The following TCF7L2 variants were observed in gnomAD, a reference collection of about 807,000 sequenced individuals.
The protein encoded by TCF7L2 is transcription factor 7 like 2.
Under a neutral mutation model 77.9 loss-of-function variants are expected in TCF7L2, and 23 were observed. The observed-to-expected ratio is 0.30, with a 90% confidence interval of 0.21 to 0.42. TCF7L2 has a LOEUF of 0.42. TCF7L2 is among the 10% of genes least tolerant of loss of function. The pLI is 1.00. For synonymous variants in TCF7L2, 413 were observed against 340.2 expected (o/e 1.21, Z -2.36); for missense variants, 654 against 793.1 (o/e 0.82, Z 2.11).
intron 3 of TCF7L2, among the ~76,000 whole-genome samples, chr10:112,963,869 T>C (rs2035893892): frequency 6.6e-6 from 1 of 152,176 alleles, no homozygotes; most frequent in South Asian, 2.1e-4. Flanking sequence ...ATCTAATAGG[T>C]GGTCCTCCCT....
At chr10:112,977,296 T>C (rs562117131) in intron 4 of TCF7L2, among the ~76,000 whole-genome samples, 18 of 152,232 alleles carry the variant, frequency 1.2e-4, no homozygotes, top group Non-Finnish European at 2.5e-4. Context: ...TTCTTCTCAC[T>C]AGGGCTTTGG....
chr10:112,952,780 C>G lies in TCF7L2; in HGVS notation c.381+1173C>G, dbSNP rs549247206. 1.8e-3 allele frequency among the ~76,000 whole-genome samples: 274 copies of G among 152,200 alleles called. 3 individuals are homozygous for G. The highest frequency in any genetic ancestry group is 6.3e-3 in the African/African-American group (262 of 41,546). ...GGGGGGCGCTTCCTGCAGGGTCGGT[C>G]CCGCGCCCAACCCTGACATTTGTTA... On this transcript the variant is annotated intron_variant, in intron 3 of 13. Coordinates refer to ENST00000627217, the MANE Select transcript of TCF7L2 (RefSeq NM_001146274.2).
intron 10 of TCF7L2, 52 bp from the exon 11 acceptor site, chr10:113,152,281 T>G: frequency 6.7e-7 from 1 of 1,484,378 alleles, no homozygotes; most frequent in Non-Finnish European, 9.4e-7. Flanking sequence ...TGTTCTTTCA[T>G]GCTTTTCTCT....
rs571349341 is a variant in TCF7L2 at position 113,127,962 on chromosome 10, A to G, written c.553-13222A>G. Among the ~76,000 whole-genome samples the G allele has an allele frequency of 5.0e-5, 7 of 140,570 alleles. No homozygotes were observed. The East Asian group carries it at 1.1e-3, about 21-fold the overall frequency. The allele number at this position is 140,570 out of a possible 152,430, so 92.2% of individuals were successfully genotyped here. A position where few individuals can be genotyped will look rare whatever the true frequency, so the allele number is the denominator to read the frequency against. On this transcript the variant is annotated intron_variant, in intron 5 of 13. Coordinates refer to ENST00000627217, the MANE Select transcript of TCF7L2 (RefSeq NM_001146274.2). Reference sequence around the variant, plus strand: ...TTGCCCATCCTGTTTGCCGCACTTTATAAGTTATTGTTGCTGAATGATTGG... The same window carrying G: ...TTGCCCATCCTGTTTGCCGCACTTTGTAAGTTATTGTTGCTGAATGATTGG...
At chr10:113,067,190 A>G (rs903789212) in intron 5 of TCF7L2, among the ~76,000 whole-genome samples, 10 of 152,230 alleles carry the variant, frequency 6.6e-5, no homozygotes, top group African/African-American at 2.2e-4. Flanking sequence ...ACAATGATAT[A>G]TACTTTGAGG....
chr10:113,131,980 G>A (rs1758844338), intron 5 of TCF7L2: 1 of 152,264 alleles, frequency 6.6e-6, no homozygotes, highest in African/African-American at 2.4e-5. Context: ...CTTGTCCCAT[G>A]GTGACTCTGT....
chr10:113,062,312 C>G (rs1466145180), intron 5 of TCF7L2, among the ~76,000 whole-genome samples: 2 of 152,210 alleles, frequency 1.3e-5, no homozygotes, highest in Non-Finnish European at 2.9e-5. Flanking sequence ...CTTCCCTCCT[C>G]AACTAGAAGT....
chr10:113,078,025 T>G (rs1047340586), intron 5 of TCF7L2, among the ~76,000 whole-genome samples: 1 of 151,646 alleles, frequency 6.6e-6, no homozygotes, highest in African/African-American at 2.4e-5. Flanking sequence ...CATGAGCCAC[T>G]GTGCCTGGCC....
chr10:113,062,750 G>T (rs560712964), intron 5 of TCF7L2, among the ~76,000 whole-genome samples: 1 of 152,160 alleles, frequency 6.6e-6, no homozygotes, highest in Non-Finnish European at 1.5e-5. Context: ...GTTGAACCTG[G>T]AGGTCAGGGC....
rs145221008 is a variant in TCF7L2 at position 113,067,480 on chromosome 10, A to G, written c.552+27354A>G. On this transcript the variant is annotated intron_variant, in intron 5 of 13. Transcript: ENST00000627217. ...AACTTCTGTGTACCCCTCTTCCCCC[A>G]CAAGAAATATTCAGCCATAATTTTC... 3.9e-5 allele frequency among the ~76,000 whole-genome samples: 6 copies of G among 152,312 alleles called. No homozygotes were observed. The East Asian group carries it at 1.2e-3, about 29-fold the overall frequency.
chr10:113,101,971 T>C (rs1453340187), intron 5 of TCF7L2, among the ~76,000 whole-genome samples: 1 of 150,086 alleles, frequency 6.7e-6, no homozygotes, highest in African/African-American at 2.5e-5. Flanking sequence ...AAACCCCATC[T>C]CTACTAAAAT....
intron 13 of TCF7L2, among the ~76,000 whole-genome samples, chr10:113,164,749 G>T (rs571576014): frequency 6.6e-6 from 1 of 150,642 alleles, no homozygotes; most frequent in Admixed American, 6.6e-5. Context: ...TGTTTTTGGT[G>T]GTTTCTTTTT....
At chr10:113,100,064 T>A (rs2061464764) in intron 5 of TCF7L2, among the ~76,000 whole-genome samples, 1 of 152,164 alleles carries the variant, frequency 6.6e-6, no homozygotes, top group African/African-American at 2.4e-5. Context: ...TAGAGTCAGG[T>A]CATCCGTGAC....
In TCF7L2 at chr10:113,166,234, C is replaced by A; in HGVS notation, c.*262C>A. The A allele has an allele frequency of 1.5e-5, 5 of 322,878 alleles. No individual in the cohort carries two copies. Among genetic ancestry groups the A allele is most frequent in the Non-Finnish European group, 2.8e-5 (5 of 179,550 alleles). The allele number at this position is 322,878 out of a possible 1,614,324, so 20.0% of individuals were successfully genotyped here. A position where few individuals can be genotyped will look rare whatever the true frequency, so the allele number is the denominator to read the frequency against. On this transcript the variant is annotated 3_prime_UTR_variant, in exon 14 of 14. Coordinates refer to ENST00000627217, the MANE Select transcript of TCF7L2 (RefSeq NM_001146274.2). ...CAACAGCTGTTTAAAGTCTTTGTAG[C>A]GTTTAAAAAATATATATATATACAT... is the stretch of plus-strand genomic sequence containing the variant.
intron 5 of TCF7L2, among the ~76,000 whole-genome samples, chr10:113,134,546 A>G (rs2136627114): frequency 6.6e-6 from 1 of 152,332 alleles, no homozygotes; most frequent in East Asian, 1.9e-4. Flanking sequence ...TGAGTTGCCA[A>G]AGGGTAGTTG....
chr10:113,104,183 T>A (rs2061989073), intron 5 of TCF7L2, among the ~76,000 whole-genome samples: 1 of 152,212 alleles, frequency 6.6e-6, no homozygotes, highest in Non-Finnish European at 1.5e-5. Flanking sequence ...CTAATCCTCG[T>A]GGGAGCTTGA....
At chr10:113,043,312 T>C (rs901560460) in intron 5 of TCF7L2, among the ~76,000 whole-genome samples, 9 of 152,236 alleles carry the variant, frequency 5.9e-5, no homozygotes, top group Non-Finnish European at 1.0e-4. Context: ...ATGTGGTATG[T>C]GGGTTACCAC....
At chr10:113,073,099 C>CGTGTGTGTGT (rs71489997) in intron 5 of TCF7L2, among the ~76,000 whole-genome samples, 17,622 of 103,392 alleles carry the variant, frequency 0.17, 1,689 homozygotes, top group Non-Finnish European at 0.21. Flanking sequence ...AGGGCCAGGT[C>CGTGTGTGTGT]GTGTGTGTGT....
chr10:113,101,444 G>A (rs938796073), intron 5 of TCF7L2, among the ~76,000 whole-genome samples: 2 of 152,090 alleles, frequency 1.3e-5, no homozygotes, highest in Non-Finnish European at 2.9e-5. Context: ...TTGGGAGGCC[G>A]AGGCAAGAGA....
Sources: gnomAD v4.1 joint callset for allele counts (sites outside exome capture counted in the v4.1 genomes callset) on GRCh38, gnomAD v4.1.1 for gene constraint, MANE v1.5 for transcripts, NCBI Gene and HGNC (gene_info 2026-07-23, HGNC 2026-07-21) for gene names.